Variants in SCFD2 observed in about 807,000 individuals in gnomAD.
The protein encoded by SCFD2 is sec1 family domain-containing protein 2.
SCFD2 carries 54 observed loss-of-function variants against 58.9 expected under a neutral mutation model. The observed-to-expected ratio is 0.92, with a 90% CI of 0.74 to 1.15. The LOEUF (loss-of-function observed/expected upper bound fraction) is 1.15, where lower values mean the gene tolerates loss of function less well. SCFD2 is among the 50% of genes most tolerant of loss of function. SCFD2 has a pLI of 0.00. For synonymous variants in SCFD2, 321 were observed against 335.9 expected, an observed-to-expected ratio of 0.96 and a Z score of 0.49; for missense variants, 805 against 836.6, an observed-to-expected ratio of 0.96 and a Z score of 0.47.
intron 3 of SCFD2, among the ~76,000 whole-genome samples, chr4:53,291,827 A>G (rs1327877390): frequency 3.9e-5 from 6 of 152,124 alleles, no homozygotes; most frequent in African/African-American, 1.4e-4. Flanking sequence ...ATAAGACCAC[A>G]CATCTACAAC....
chr4:53,184,758 A>C (rs1418948571), intron 4 of SCFD2, among the ~76,000 whole-genome samples: 10 of 152,112 alleles, frequency 6.6e-5, no homozygotes, highest in Admixed American at 1.3e-4. Context: ...AAGTATCAAT[A>C]GTGCTATGCA....
At chr4:53,020,976 A>AG (rs1722335638) in intron 5 of SCFD2, among the ~76,000 whole-genome samples, 1 of 152,174 alleles carries the variant, frequency 6.6e-6, no homozygotes. Flanking sequence ...TCCTGTGGCC[A>AG]CCTCATCATG....
chr4:53,307,709 C>A (rs1172926260), intron 3 of SCFD2, among the ~76,000 whole-genome samples: 2 of 152,160 alleles, frequency 1.3e-5, no homozygotes, highest in Non-Finnish European at 2.9e-5. Flanking sequence ...GACTTAAATG[C>A]AAACCTCTGA....
Position 53,193,138 on chromosome 4 carries a change from G to GAAT in SCFD2, c.1312-47559_1312-47557dup, listed in dbSNP as rs565729504. On this transcript the variant is annotated intron_variant, in intron 4 of 8. Coordinates refer to ENST00000401642, the MANE Select transcript of SCFD2 (RefSeq NM_152540.4). ...AAGGTCAGCCAAATAAAGTTTTCAG[G>GAAT]AATAATATATATGACCAAAACAAGT... Among the ~76,000 whole-genome samples, 15 of 152,190 alleles carry GAAT rather than the reference G, an allele frequency of 9.9e-5. No individual in the cohort carries two copies. The South Asian group carries it at 3.1e-3, about 32-fold the overall frequency.
chr4:52,880,330 C>T (rs1234155195), intron 8 of SCFD2, among the ~76,000 whole-genome samples: 1 of 150,562 alleles, frequency 6.6e-6, no homozygotes. Flanking sequence ...AAATATTCAA[C>T]TCTGGGTTGG....
intron 7 of SCFD2, among the ~76,000 whole-genome samples, chr4:52,891,786 A>C (rs1157943477): frequency 6.6e-6 from 1 of 152,252 alleles, no homozygotes; most frequent in Non-Finnish European, 1.5e-5. Flanking sequence ...CCTGTCGGCT[A>C]TTCAGCTTGA....
chr4:53,075,110 G>A (rs747031849), intron 5 of SCFD2, among the ~76,000 whole-genome samples: 1 of 152,192 alleles, frequency 6.6e-6, no homozygotes, highest in African/African-American at 2.4e-5. Flanking sequence ...TGGATAACCT[G>A]CTGCTGCTTC....
At chr4:52,875,827 T>G (rs200394963) in intron 8 of SCFD2, among the ~76,000 whole-genome samples, 2 of 58,030 alleles carry the variant, frequency 3.4e-5, no homozygotes, top group Non-Finnish European at 7.1e-5. Context: ...TATATATATA[T>G]ATATATATAT....
At chr4:52,900,580 C>T (rs540431974) in intron 7 of SCFD2, among the ~76,000 whole-genome samples, 145 of 152,296 alleles carry the variant, frequency 9.5e-4, no homozygotes, top group African/African-American at 3.2e-3. Context: ...TTAGGCTACT[C>T]GGGGGTCAGG....
chr4:53,145,735 A>C (rs1228690413), intron 4 of SCFD2, among the ~76,000 whole-genome samples, 153 bp from the exon 5 acceptor site: 2 of 152,222 alleles, frequency 1.3e-5, no homozygotes, highest in Admixed American at 1.3e-4. Context: ...CCTGGAGAGA[A>C]TACTACAAGA....
chr4:53,321,529 A>T (rs1351564552), intron 2 of SCFD2, among the ~76,000 whole-genome samples: 1 of 152,156 alleles, frequency 6.6e-6, no homozygotes, highest in African/African-American at 2.4e-5. Flanking sequence ...AGGATATGCA[A>T]TAATAGTCAC....
chr4:52,968,213 T>C (rs1183944156), intron 5 of SCFD2, among the ~76,000 whole-genome samples: 1 of 152,254 alleles, frequency 6.6e-6, no homozygotes, highest in Non-Finnish European at 1.5e-5. Flanking sequence ...TGCCAGGCAC[T>C]GTGCTAGGGC....
chr4:53,353,055 C>T (rs1209418416), intron 1 of SCFD2, among the ~76,000 whole-genome samples: 1 of 152,166 alleles, frequency 6.6e-6, no homozygotes, highest in East Asian at 1.9e-4. Context: ...CTTGGTCTTG[C>T]TGACTTCAAG....
At chr4:52,937,713 A>C (rs1720176140) in intron 5 of SCFD2, among the ~76,000 whole-genome samples, 1 of 152,102 alleles carries the variant, frequency 6.6e-6, no homozygotes, top group African/African-American at 2.4e-5. Context: ...TCACCAACTG[A>C]GGGTGTGAAG....
chr4:53,007,514 A>C (rs559267131), intron 5 of SCFD2, among the ~76,000 whole-genome samples: 1 of 152,256 alleles, frequency 6.6e-6, no homozygotes, highest in South Asian at 2.1e-4. Context: ...GTACAGAGTT[A>C]AGAGCATGGA....
intron 5 of SCFD2, among the ~76,000 whole-genome samples, chr4:52,960,734 CACACACACACCA>C (rs1560494559): frequency 6.6e-6 from 1 of 152,048 alleles, no homozygotes; most frequent in African/African-American, 2.4e-5. Flanking sequence ...ACACAACACA[CACACACACACCA>C]CACATGTGCT....
At chr4:53,141,400 CTT>C (rs1726160386) in intron 5 of SCFD2, among the ~76,000 whole-genome samples, 1 of 152,102 alleles carries the variant, frequency 6.6e-6, no homozygotes, top group Non-Finnish European at 1.5e-5. Flanking sequence ...TGAACAACCT[CTT>C]GTCTTTTGAC....
At chr4:53,217,705 T>G (rs1345595163) in intron 4 of SCFD2, among the ~76,000 whole-genome samples, 1 of 152,232 alleles carries the variant, frequency 6.6e-6, no homozygotes, top group Non-Finnish European at 1.5e-5. Context: ...CTGCTTATTT[T>G]GCTCCTTAGT....
intron 4 of SCFD2, among the ~76,000 whole-genome samples, chr4:53,223,981 C>G (rs1048420726): frequency 2.6e-5 from 4 of 152,146 alleles, no homozygotes; most frequent in African/African-American, 9.6e-5. Flanking sequence ...CTTTGCTTCT[C>G]CTCCCCTTGG....
Sources: gnomAD v4.1 joint callset for allele counts (sites outside exome capture counted in the v4.1 genomes callset) on GRCh38, gnomAD v4.1.1 for gene constraint, MANE v1.5 for transcripts, NCBI Gene and HGNC (gene_info 2026-07-23, HGNC 2026-07-21) for gene names.